Variants in STK11IP observed in about 807,000 individuals in gnomAD.
The protein encoded by STK11IP is serine/threonine-protein kinase 11-interacting protein.
A neutral mutation model predicts 131.7 loss-of-function variants in STK11IP; 103 were observed. The observed-to-expected ratio is 0.78, with a 90% CI of 0.67 to 0.92. STK11IP has a LOEUF of 0.92. Among genes scored for constraint, STK11IP ranks in the 40% least tolerant of loss-of-function variants. The pLI, the probability that STK11IP is intolerant of heterozygous loss-of-function variation, is 0.00. For missense variants in STK11IP, 1,315 were observed against 1,385.7 expected (o/e 0.95, Z 0.81); for synonymous variants, 557 against 575.6 (o/e 0.97, Z 0.46).
intron 11 of STK11IP, 83 bp from the exon 12 acceptor site, chr2:219,606,629 G>A: frequency 6.3e-7 from 1 of 1,598,046 alleles, no homozygotes; most frequent in South Asian, 1.1e-5. Context: ...TGGAAAGTAG[G>A]GTCCCGCCTT....
At chr2:219,614,384 C>A in intron 22 of STK11IP, 92 bp from the exon 23 acceptor site, 1 of 1,529,916 alleles carries the variant, frequency 6.5e-7, no homozygotes, top group Non-Finnish European at 9.0e-7. Context: ...TGTCTCCTCC[C>A]AACCCCCTGC....
intron 6 of STK11IP, 24 bp downstream of exon 6, chr2:219,602,599 G>A (rs780439713): frequency 2.5e-6 from 4 of 1,612,880 alleles, no homozygotes; most frequent in South Asian, 1.1e-5. Context: ...AGGGAAGAGG[G>A]TTTCGAGGAA....
chr2:219,614,825 C>A, intron 23 of STK11IP: 1 of 634,456 alleles, frequency 1.6e-6, no homozygotes, highest in Non-Finnish European at 2.8e-6. Context: ...GTCGGCCCTG[C>A]CTCATCAGTC....
chr2:219,614,422 C>T, intron 22 of STK11IP, 54 bp from the exon 23 acceptor site: 1 of 1,593,138 alleles, frequency 6.3e-7, no homozygotes, highest in South Asian at 1.1e-5. Context: ...CCCCTCTCTT[C>T]AAGTCCTTCC....
In STK11IP at chr2:219,600,861, G is replaced by A. The variant is rs562027700; in HGVS notation, c.62-374G>A. On this transcript the variant is annotated intron_variant, in intron 2 of 24. Coordinates refer to ENST00000456909, the MANE Select transcript of STK11IP (RefSeq NM_052902.4). ...CTTCTTGAGGCGGCTTCCTGGAGGA[G>A]GCTGGTCTCAAGCTGGGCGGTGGAA... 1.1e-3 allele frequency among the ~76,000 whole-genome samples: 173 copies of A among 152,332 alleles called. 1 individual carries two copies. The highest frequency in any genetic ancestry group is 2.4e-3 in the Non-Finnish European group (161 of 68,042).
At chr2:219,613,562 G>C (rs1328295406) in intron 20 of STK11IP, among the ~76,000 whole-genome samples, 190 bp from the exon 21 acceptor site, 1 of 97,630 alleles carries the variant, frequency 1.0e-5, no homozygotes, top group Non-Finnish European at 2.1e-5. Context: ...GGGTGAGTGA[G>C]GGGGGAGATG....
At chr2:219,614,636 C>T (rs780523847) in intron 23 of STK11IP, 90 bp downstream of exon 23, 11 of 1,272,540 alleles carry the variant, frequency 8.6e-6, no homozygotes, top group Non-Finnish European at 1.1e-5. Context: ...GTACAGTGCC[C>T]TTGCAGCAAC....
rs368062862 is a variant in STK11IP, at chr2:219,601,437, C to A, written c.264C>A (p.Leu88=). 6.2e-7 allele frequency: 1 copy of A among 1,614,016 alleles called. No homozygotes were observed. The highest frequency in any genetic ancestry group is 2.2e-5 in the East Asian group (1 of 44,884). The change falls in exon 3 of 25, where the codon CTC becomes CTA. Residue 88 remains leucine (L), a synonymous_variant. Coordinates refer to ENST00000456909, the MANE Select transcript of STK11IP (RefSeq NM_052902.4). ...LFDVLQKTLS[L]KLVHVAGPGP... ...ATGTGCTGCAGAAAACACTTTCACT[C>A]AAGGTTCTGGGTGTGGGGAAGAGGC...
At chr2:219,607,177 C>A in intron 13 of STK11IP, 40 bp downstream of exon 13, 1 of 1,583,454 alleles carries the variant, frequency 6.3e-7, no homozygotes, top group Non-Finnish European at 8.7e-7. Flanking sequence ...TCGTCCCCAG[C>A]GAGCTCACTC....
intron 7 of STK11IP, among the ~76,000 whole-genome samples, chr2:219,603,094 T>C (rs1698044653): frequency 1.4e-5 from 2 of 141,542 alleles, no homozygotes; most frequent in East Asian, 4.2e-4. Context: ...CAGGCTGGAG[T>C]GCAGTGGCGC....
chr2:219,614,111 G>C, intron 21 of STK11IP, 50 bp from the exon 22 acceptor site: 6 of 1,603,548 alleles, frequency 3.7e-6, no homozygotes, highest in Non-Finnish European at 5.1e-6. Context: ...GTGAGTTTAG[G>C]CTGGAGGAGA....
At position 219,605,690 on chromosome 2, in the gene STK11IP, T is replaced by TG; in HGVS notation, c.706dup (p.Val236GlyfsTer8). On this transcript the variant is annotated frameshift_variant, in exon 8 of 25. Coordinates refer to ENST00000456909, the MANE Select transcript of STK11IP (RefSeq NM_052902.4). LOFTEE classifies it high-confidence loss of function. ...AGAATGGGACCCTCAGGGGCTGCTCTGGGGGTCCTGATACTGCGAGGCAAT... is the reference window on the plus strand; with the variant it reads ...AGAATGGGACCCTCAGGGGCTGCTCTGGGGGGTCCTGATACTGCGAGGCAAT... 6.3e-7 allele frequency: 1 copy of TG among 1,579,350 alleles called. No individual in the cohort carries two copies. The highest frequency in any genetic ancestry group is 8.6e-7 in the Non-Finnish European group (1 of 1,162,700).
rs1418487723 is a variant in STK11IP, at chr2:219,598,104, C to A, written c.-16C>A. ...TCTTTCCCCCCCCAGGCTCCGCCCCCCAGCGTCCCGTGGCCATGACGACCG... is the reference window on the plus strand; with the variant it reads ...TCTTTCCCCCCCCAGGCTCCGCCCCACAGCGTCCCGTGGCCATGACGACCG... On this transcript the variant is annotated 5_prime_UTR_variant, in exon 2 of 25. Coordinates refer to ENST00000456909, the MANE Select transcript of STK11IP (RefSeq NM_052902.4). 1.3e-6 allele frequency: 2 copies of A among 1,588,136 alleles called. No homozygotes were observed. The highest frequency in any genetic ancestry group is 2.4e-5 in the East Asian group (1 of 42,316).
Position 219,608,335 on chromosome 2 carries a change from GGAAGGAGGA to G in STK11IP, c.1519_1527del (p.Lys507_Glu509del), listed in dbSNP as rs1698269035. The G allele has an allele frequency of 3.8e-6, 6 of 1,595,210 alleles. No homozygotes were observed. The highest frequency in any genetic ancestry group is 4.6e-5 in the East Asian group (2 of 43,830). On this transcript the variant is annotated inframe_deletion, in exon 14 of 25. Transcript: ENST00000456909. ...CAGGAGGAGGAAGAGGAGAAGGAGG[GGAAGGAGGA>G]GAAGGAGGAGGGGGAGATGGTGGAA... is the stretch of plus-strand genomic sequence containing the variant.
rs754580743 is a variant in STK11IP, at chr2:219,616,084, G to T, written c.3158G>T (p.Cys1053Phe). 5.3e-5 allele frequency: 86 copies of T among 1,613,810 alleles called. No individual in the cohort carries two copies. The highest frequency in any genetic ancestry group is 6.2e-5 in the Non-Finnish European group (73 of 1,179,904). The change falls in exon 25 of 25, where the codon TGT becomes TTT. Residue 1053 changes from cysteine to phenylalanine, a missense_variant. By Grantham distance (205) the Cys-to-Phe change is radical. Coordinates refer to ENST00000456909, the MANE Select transcript of STK11IP (RefSeq NM_052902.4). Reference protein sequence around the residue: ...LESFWALRVVCQEQLTALLAW... With the variant: ...LESFWALRVVFQEQLTALLAW... ...AGCTTTTGGGCACTCCGTGTGGTGT[G>T]TCAGGAGCAGCTGACAGCCCTGCTT... is the stretch of plus-strand genomic sequence containing the variant.
intron 24 of STK11IP, 58 bp from the exon 25 acceptor site, chr2:219,615,986 G>C: frequency 6.3e-7 from 1 of 1,593,192 alleles, no homozygotes; most frequent in African/African-American, 1.3e-5. Context: ...GACCTCCCTT[G>C]TACCCACCCT....
chr2:219,605,092 A>G (rs552787953), intron 7 of STK11IP, among the ~76,000 whole-genome samples: 2 of 152,218 alleles, frequency 1.3e-5, no homozygotes, highest in East Asian at 3.9e-4. Context: ...GGCCTCCCAG[A>G]GTGCTGGGAT....
rs752001798 is a variant in STK11IP, at chr2:219,605,927, C to T, written c.746-29C>T. ...TCACTTGCGTGTACTCATCCACATG[C>T]TCTTCCTTCCTTCTTGCGTCCACCC... On this transcript the variant is annotated intron_variant, in intron 8 of 24. Coordinates refer to ENST00000456909, the MANE Select transcript of STK11IP (RefSeq NM_052902.4). 3.2e-6 allele frequency: 5 copies of T among 1,563,578 alleles called. No homozygotes were observed. The South Asian group carries it at 4.7e-5, about 15-fold the overall frequency.
At chr2:219,610,710 T>C (rs547413037) in intron 17 of STK11IP, among the ~76,000 whole-genome samples, 1 of 152,270 alleles carries the variant, frequency 6.6e-6, no homozygotes, top group East Asian at 1.9e-4. Flanking sequence ...ACCATTCTCC[T>C]TTCACTTGCA....
Sources: gnomAD v4.1 joint callset for allele counts (sites outside exome capture counted in the v4.1 genomes callset) on GRCh38, gnomAD v4.1.1 for gene constraint, MANE v1.5 for transcripts, NCBI Gene and HGNC (gene_info 2026-07-23, HGNC 2026-07-21) for gene names.